ICA1L: variants seen among roughly 807,000 people sequenced by gnomAD.
The protein encoded by ICA1L is islet cell autoantigen 1 like.
A neutral mutation model predicts 61.3 loss-of-function variants in ICA1L; 50 were observed. The observed-to-expected ratio is 0.82, with a 90% CI of 0.65 to 1.03. The LOEUF is 1.03. Among genes scored for constraint, ICA1L ranks in the 50% least tolerant of loss-of-function variants. The pLI is 0.00. For missense variants in ICA1L, 508 were observed against 556.7 expected (o/e 0.91, Z 0.88); for synonymous variants, 161 against 191.3 (o/e 0.84, Z 1.31).
chr2:202,814,761 C>G lies in ICA1L; in HGVS notation c.807G>C (p.Lys269Asn), dbSNP rs376533252. 1.9e-6 allele frequency: 3 copies of G among 1,613,504 alleles called. No individual in the cohort carries two copies. In the African/African-American group the frequency reaches 4.0e-5, roughly 22 times the overall value. Residue 269 changes from lysine (K) to asparagine (N), a missense_variant, in exon 8 of 13, where the codon AAG (lysine) becomes AAC (asparagine). Physicochemically the swap from Lys to Asn is moderately conservative, Grantham distance 94 (BLOSUM62 0). Transcript: ENST00000358299. The stretch of plus-strand genomic sequence containing the variant: ...GTTCATCTTTATTGTCTTCACTAAT[C>G]TTGCTTGGCGTGTCTTGTAGTTGCT... The part of the protein sequence containing the change: ...ALKQLQDTPS[K>N]ISEDNKDEQI...
intron 1 of ICA1L, among the ~76,000 whole-genome samples, chr2:202,863,002 A>G (rs895224243): frequency 4.0e-5 from 6 of 151,000 alleles, no homozygotes; most frequent in African/African-American, 9.7e-5. Flanking sequence ...CCTACATTAG[A>G]AAAAAAAAGG....
intron 1 of ICA1L, among the ~76,000 whole-genome samples, chr2:202,850,030 A>C (rs972229151): frequency 7.9e-5 from 12 of 152,206 alleles, no homozygotes; most frequent in Non-Finnish European, 1.3e-4. Context: ...ACCTCCAGCA[A>C]ACTGTAGCAG....
chr2:202,821,019 C>T (rs1693686984), intron 4 of ICA1L, among the ~76,000 whole-genome samples: 1 of 152,092 alleles, frequency 6.6e-6, no homozygotes, highest in Non-Finnish European at 1.5e-5. Context: ...ATTGGAAATA[C>T]ACATTTTTAA....
chr2:202,832,863 A>G (rs572885965), intron 1 of ICA1L, among the ~76,000 whole-genome samples: 1 of 152,286 alleles, frequency 6.6e-6, no homozygotes, highest in South Asian at 2.1e-4. Context: ...ACCAAAAATT[A>G]CCAATCTAAA....
At chr2:202,831,407 T>A (rs1184856189) in intron 1 of ICA1L, among the ~76,000 whole-genome samples, 1 of 152,176 alleles carries the variant, frequency 6.6e-6, no homozygotes, top group Non-Finnish European at 1.5e-5. Context: ...TGCTCTCAAC[T>A]GCTTTCAGTC....
At chr2:202,839,323 A>AC (rs546720087) in intron 1 of ICA1L, among the ~76,000 whole-genome samples, 63 of 152,050 alleles carry the variant, frequency 4.1e-4, no homozygotes, top group Middle Eastern at 3.4e-3. Flanking sequence ...ACAAGGTGAA[A>AC]CCCCGTCTCT....
intron 9 of ICA1L, among the ~76,000 whole-genome samples, chr2:202,803,860 T>C (rs927698391): frequency 1.3e-5 from 2 of 152,158 alleles, no homozygotes; most frequent in Non-Finnish European, 2.9e-5. Context: ...AAAGGGTCAC[T>C]ATATAACAAT....
At position 202,774,354 on chromosome 2, in the gene ICA1L, C is replaced by T. The variant is rs2105807484; in HGVS notation, c.*5179G>A. ...GCTGAGGCGAGCCTGCCGCGCGCTC[C>T]GCTCAGCGTGGTCTGGCAGCCGGAG... is the stretch of plus-strand genomic sequence containing the variant. On this transcript the variant is annotated 3_prime_UTR_variant, in exon 13 of 13. Transcript: ENST00000358299. 2 of 1,348,858 alleles carry T rather than the reference C, an allele frequency of 1.5e-6. No individual in the cohort carries two copies. Among genetic ancestry groups the T allele is most frequent in the Non-Finnish European group, 1.9e-6 (2 of 1,054,820 alleles). The allele number at this position is 1,348,858 out of a possible 1,614,324, so 83.6% of individuals were successfully genotyped here.
In ICA1L at chr2:202,871,627, C is replaced by G. The variant is rs890159723; in HGVS notation, c.-16G>C. ...AGGCAGCAGAAGCTTACCGGCGCCG[C>G]TCTTCCGCCTCCTCGGGTCGCGTTC... On this transcript the variant is annotated 5_prime_UTR_variant, in exon 1 of 13. Transcript: ENST00000358299. The G allele has an allele frequency of 1.3e-5, 2 of 152,218 alleles. No individual in the cohort carries two copies. The allele number at this position is 152,218 out of a possible 1,614,324, so 9.4% of individuals were successfully genotyped here.
chr2:202,871,433 C>A (rs2105897406), intron 1 of ICA1L, 186 bp downstream of exon 1: 1 of 152,286 alleles, frequency 6.6e-6, no homozygotes, highest in African/African-American at 2.4e-5. Flanking sequence ...CAGGCAGCGG[C>A]CGGGGTCCCC....
chr2:202,867,250 T>C lies in ICA1L; in HGVS notation c.-8+4369A>G, dbSNP rs945025197. Among the ~76,000 whole-genome samples, 3 of 152,190 alleles carry C rather than the reference T, an allele frequency of 2.0e-5. 1 individual carries two copies. The highest frequency in any genetic ancestry group is 7.2e-5 in the African/African-American group (3 of 41,452). On this transcript the variant is annotated intron_variant, in intron 1 of 12. Transcript: ENST00000358299. ...TATTTGAGCAAACTAACAAAAGATATTCATATACAGTCATGCATTGCTTAA... is the reference window on the plus strand; with the variant it reads ...TATTTGAGCAAACTAACAAAAGATACTCATATACAGTCATGCATTGCTTAA...
Position 202,817,543 on chromosome 2 carries a change from C to T in ICA1L, c.559G>A (p.Val187Ile). The T allele has an allele frequency of 6.3e-7, 1 of 1,595,230 alleles. No homozygotes were observed. The highest frequency in any genetic ancestry group is 8.6e-7 in the Non-Finnish European group (1 of 1,167,726). The change falls in exon 6 of 13, where the codon GTA becomes ATA. Residue 187 changes from valine to isoleucine, a missense_variant and splice_region_variant. By Grantham distance (29) the Val-to-Ile change is conservative. Coordinates refer to ENST00000358299, the MANE Select transcript of ICA1L (RefSeq NM_001288622.3). ...TLKQMEKFRKVQMQVRNSKAS... is the reference protein window; with the variant it reads ...TLKQMEKFRKIQMQVRNSKAS... ...TTGCTATTTCTCACTTGCATCTGTACCTGCAATAAAAATGCTAATTTTTAT... is the reference window on the plus strand; with the variant it reads ...TTGCTATTTCTCACTTGCATCTGTATCTGCAATAAAAATGCTAATTTTTAT...
At chr2:202,870,972 C>T (rs948296555) in intron 1 of ICA1L, 2 of 152,258 alleles carry the variant, frequency 1.3e-5, no homozygotes, top group Non-Finnish European at 2.9e-5. Context: ...GGAGCCATAT[C>T]TGTGCCGTGG....
intron 10 of ICA1L, among the ~76,000 whole-genome samples, chr2:202,794,950 C>T (rs998191347): frequency 2.7e-5 from 4 of 150,848 alleles, no homozygotes; most frequent in Non-Finnish European, 5.9e-5. Flanking sequence ...TTAATAAAGC[C>T]CCACAATTTT....
intron 1 of ICA1L, among the ~76,000 whole-genome samples, chr2:202,845,241 T>C (rs1043356665): frequency 2.0e-5 from 3 of 152,210 alleles, no homozygotes; most frequent in Admixed American, 2.0e-4. Flanking sequence ...AATTAGGACA[T>C]GGACATCTTT....
In ICA1L at chr2:202,847,043, C is replaced by G. The variant is rs138346685; in HGVS notation, c.-7-18027G>C. Among the ~76,000 whole-genome samples, 374 of 152,220 alleles carry G rather than the reference C, an allele frequency of 2.5e-3. 7 individuals carry two copies. The highest frequency in any genetic ancestry group is 0.023 in the Admixed American group (359 of 15,290). ...GTTGAAGAAAAACAGATTTTAACAG[C>G]AGGAGGCAAGGAAATACTATTCCAA... is the stretch of plus-strand genomic sequence containing the variant. On this transcript the variant is annotated intron_variant, in intron 1 of 12. Coordinates refer to ENST00000358299, the MANE Select transcript of ICA1L (RefSeq NM_001288622.3).
chr2:202,864,256 T>C (rs1245622808), intron 1 of ICA1L, among the ~76,000 whole-genome samples: 1 of 152,050 alleles, frequency 6.6e-6, no homozygotes, highest in Non-Finnish European at 1.5e-5. Flanking sequence ...AATTTTTTTT[T>C]TTTTCGAGAC....
chr2:202,790,154 A>G (rs554849928), intron 10 of ICA1L, among the ~76,000 whole-genome samples: 3 of 124,992 alleles, frequency 2.4e-5, no homozygotes, highest in Admixed American at 2.4e-4. Flanking sequence ...ATAAAAGCCA[A>G]TTGAGGTCTT....
chr2:202,822,532 A>G (rs1031079236), intron 3 of ICA1L, among the ~76,000 whole-genome samples: 8 of 152,186 alleles, frequency 5.3e-5, no homozygotes, highest in African/African-American at 1.9e-4. Flanking sequence ...GCAAACCATG[A>G]AACAAAAAAA....
Sources: gnomAD v4.1 joint callset for allele counts (sites outside exome capture counted in the v4.1 genomes callset) on GRCh38, gnomAD v4.1.1 for gene constraint, MANE v1.5 for transcripts, NCBI Gene and HGNC (gene_info 2026-07-23, HGNC 2026-07-21) for gene names.